Variants in EYA3 observed in about 807,000 individuals in gnomAD.
EYA3 encodes the protein EYA transcriptional coactivator and phosphatase 3, also known as protein phosphatase EYA3.
A neutral mutation model predicts 80.0 loss-of-function variants in EYA3; 39 were observed. That is an observed-to-expected ratio of 0.49 (90% confidence interval 0.38 to 0.64). The LOEUF (loss-of-function observed/expected upper bound fraction) is 0.64, where lower values mean the gene tolerates loss of function less well. Among genes scored for constraint, EYA3 ranks in the 30% least tolerant of loss-of-function variants. EYA3 has a pLI of 0.00. For missense variants in EYA3, 523 were observed against 676.1 expected, an observed-to-expected ratio of 0.77 and a Z score of 2.51; for synonymous variants, 206 against 232.8, an observed-to-expected ratio of 0.88 and a Z score of 1.05.
chr1:28,024,989 T>G (rs1373335766), intron 7 of EYA3, among the ~76,000 whole-genome samples: 1 of 152,184 alleles, frequency 6.6e-6, no homozygotes, highest in Non-Finnish European at 1.5e-5. Context: ...TGGGCTGCTG[T>G]CAACTGCAGA....
At chr1:28,005,637 C>A (rs1273103569) in intron 10 of EYA3, among the ~76,000 whole-genome samples, 1 of 151,510 alleles carries the variant, frequency 6.6e-6, no homozygotes, top group Non-Finnish European at 1.5e-5. Flanking sequence ...ATCACTTGGG[C>A]GTGGGAAGTC....
chr1:28,078,950 C>A (rs972475826), intron 1 of EYA3, among the ~76,000 whole-genome samples: 2 of 152,202 alleles, frequency 1.3e-5, no homozygotes, highest in African/African-American at 4.8e-5. Flanking sequence ...TATTTAAAAG[C>A]TGACTGAGCT....
At chr1:27,995,156 G>A (rs975677101) in intron 13 of EYA3, among the ~76,000 whole-genome samples, 3 of 151,234 alleles carry the variant, frequency 2.0e-5, no homozygotes, top group Non-Finnish European at 2.9e-5. Flanking sequence ...TATAATCCCA[G>A]CACTTTGGGA....
chr1:28,018,593 T>G (rs1557575919), intron 7 of EYA3, among the ~76,000 whole-genome samples: 14 of 152,192 alleles, frequency 9.2e-5, no homozygotes. Flanking sequence ...GGAGAACAAA[T>G]GCAATAGAAA....
intron 1 of EYA3, among the ~76,000 whole-genome samples, chr1:28,078,169 C>CT (rs1170570825): frequency 6.6e-6 from 1 of 152,196 alleles, no homozygotes; most frequent in African/African-American, 2.4e-5. Flanking sequence ...AATTCACTAA[C>CT]TAGCTCCACT....
chr1:28,007,565 C>T (rs1014428645), intron 10 of EYA3, among the ~76,000 whole-genome samples: 1 of 151,924 alleles, frequency 6.6e-6, no homozygotes, highest in South Asian at 2.1e-4. Flanking sequence ...GAACTCCTGA[C>T]CTTGTGATCT....
chr1:28,070,823 C>T (rs993255899), intron 1 of EYA3, among the ~76,000 whole-genome samples: 22 of 152,308 alleles, frequency 1.4e-4, no homozygotes, highest in African/African-American at 5.1e-4. Context: ...CCAGGTACTT[C>T]ATGGATCTTG....
At chr1:28,007,650 A>G (rs1316063422) in intron 10 of EYA3, among the ~76,000 whole-genome samples, 1 of 152,056 alleles carries the variant, frequency 6.6e-6, no homozygotes, top group Non-Finnish European at 1.5e-5. Flanking sequence ...GTATTTCTAT[A>G]TACTTGCAAT....
At position 27,971,599 on chromosome 1, in the gene EYA3, C is replaced by CAAAAAA. The variant is rs1343134067; in HGVS notation, c.*2866_*2867insTTTTTT. The stretch of plus-strand genomic sequence containing the variant: ...ACAGAGCGAGACTCCATCTCAACAA[C>CAAAAAA]AACAACAAAAAAAAAAAAAAAAAAA... On this transcript the variant is annotated 3_prime_UTR_variant, in exon 18 of 18. Coordinates refer to ENST00000373871, the MANE Select transcript of EYA3 (RefSeq NM_001990.4). The CAAAAAA allele has an allele frequency of 4.1e-5, 3 of 73,026 alleles. No homozygotes were observed. The highest frequency in any genetic ancestry group is 4.1e-4 in the South Asian group (1 of 2,430). The allele number at this position is 73,026 out of a possible 1,614,324, so 4.5% of individuals were successfully genotyped here.
chr1:27,984,209 A>C (rs1639498741), intron 16 of EYA3, among the ~76,000 whole-genome samples: 1 of 151,348 alleles, frequency 6.6e-6, no homozygotes, highest in South Asian at 2.1e-4. Context: ...GCTAATTTTT[A>C]TTTTTATTTT....
chr1:28,005,106 A>C (rs1358377564), intron 10 of EYA3, among the ~76,000 whole-genome samples: 1 of 152,226 alleles, frequency 6.6e-6, no homozygotes, highest in Non-Finnish European at 1.5e-5. Context: ...ATTCCTAGAA[A>C]TACATAGCAT....
rs149359557 is a variant in EYA3, at chr1:28,067,017, A to G, written c.-68-8923T>C. 4.9e-3 allele frequency among the ~76,000 whole-genome samples: 742 copies of G among 152,310 alleles called. 3 individuals carry two copies. The highest frequency in any genetic ancestry group is 7.1e-3 in the Non-Finnish European group (485 of 68,012). On this transcript the variant is annotated intron_variant, in intron 1 of 17. Transcript: ENST00000373871. ...CATATTAAGCTACCAAAAAAAATCT[A>G]AACAATAAAACCAAGTGTTATCTGG...
intron 11 of EYA3, among the ~76,000 whole-genome samples, chr1:28,000,589 G>C (rs1640765483): frequency 6.6e-6 from 1 of 151,088 alleles, no homozygotes; most frequent in Non-Finnish European, 1.5e-5. Flanking sequence ...TGGGATTACA[G>C]GTGTGAGCCA....
intron 6 of EYA3, among the ~76,000 whole-genome samples, chr1:28,029,329 A>C (rs774915055): frequency 2.0e-5 from 3 of 152,226 alleles, no homozygotes; most frequent in Admixed American, 6.5e-5. Flanking sequence ...GTGATGTGTA[A>C]AGACAATTGT....
intron 8 of EYA3, among the ~76,000 whole-genome samples, chr1:28,015,720 T>C (rs761184074): frequency 1.3e-5 from 2 of 152,042 alleles, no homozygotes; most frequent in Non-Finnish European, 2.9e-5. Flanking sequence ...TACCAAAACA[T>C]TGGAGACGAT....
intron 11 of EYA3, among the ~76,000 whole-genome samples, chr1:28,004,024 T>C (rs1228190663): frequency 6.6e-6 from 1 of 152,228 alleles, no homozygotes; most frequent in Non-Finnish European, 1.5e-5. Flanking sequence ...AATTTATTAA[T>C]ATAATCTTGA....
intron 7 of EYA3, among the ~76,000 whole-genome samples, chr1:28,023,763 G>A (rs995596291): frequency 6.6e-6 from 1 of 152,122 alleles, no homozygotes; most frequent in African/African-American, 2.4e-5. Context: ...AAAAACACAG[G>A]AAATCTGAAT....
At chr1:28,047,843 G>A (rs767768815) in intron 3 of EYA3, among the ~76,000 whole-genome samples, 25 of 152,046 alleles carry the variant, frequency 1.6e-4, no homozygotes, top group Non-Finnish European at 3.1e-4. Flanking sequence ...GTTTCACCGT[G>A]TTAGCCAGGA....
rs77896284 is a variant in EYA3 at position 28,048,474 on chromosome 1, T to C, written c.34-48A>G. On this transcript the variant is annotated intron_variant, in intron 2 of 17. Coordinates refer to ENST00000373871, the MANE Select transcript of EYA3 (RefSeq NM_001990.4). ...GTATCAATGTACTTGATCTGTTTTTTAAATCATTTAGCTACTCAAACAACA... is the reference window on the plus strand; with the variant it reads ...GTATCAATGTACTTGATCTGTTTTTCAAATCATTTAGCTACTCAAACAACA... The C allele has an allele frequency of 4.1e-6, 6 of 1,469,360 alleles. No individual in the cohort carries two copies. The East Asian group carries it at 1.1e-4, about 28-fold the overall frequency. 91.0% of individuals were successfully genotyped at this position (1,469,360 alleles called of 1,614,324 possible).
Sources: allele counts gnomAD v4.1 joint callset (sites outside exome capture counted in the v4.1 genomes callset), GRCh38; gene constraint gnomAD v4.1.1; transcripts MANE v1.5; gene names NCBI Gene and HGNC (gene_info 2026-07-23, HGNC 2026-07-21).